PCDHGB2: variants seen among roughly 807,000 people sequenced by gnomAD.
PCDHGB2 encodes the protein protocadherin gamma-B2.
A neutral mutation model predicts 59.3 loss-of-function variants in PCDHGB2; 55 were observed. The ratio of observed to expected loss-of-function variants is 0.93; its 90% CI spans 0.75 to 1.16. The LOEUF (loss-of-function observed/expected upper bound fraction) is 1.16, where lower values mean the gene tolerates loss of function less well. Among genes scored for constraint, PCDHGB2 ranks in the 50% most tolerant of loss-of-function variants. PCDHGB2 has a pLI of 0.00. For missense variants in PCDHGB2, 1,228 were observed against 1,198.5 expected, an observed-to-expected ratio of 1.02 and a Z score of -0.36; for synonymous variants, 516 against 512.0, an observed-to-expected ratio of 1.01 and a Z score of -0.11.
intron 1 of PCDHGB2, chr5:141,392,761 A>G (rs1341541753): frequency 1.6e-5 from 24 of 1,476,812 alleles, no homozygotes; most frequent in Non-Finnish European, 2.1e-5. Flanking sequence ...AAACTAAATA[A>G]GACCCATTTA....
rs1305419943 is a variant in PCDHGB2, at chr5:141,438,625, T to C, written c.2422-56182T>C. Among the ~76,000 whole-genome samples the C allele has an allele frequency of 9.7e-4, 45 of 46,410 alleles. 2 individuals are homozygous for C. Among genetic ancestry groups the C allele is most frequent in the Admixed American group, 2.2e-3 (7 of 3,192 alleles). The allele number at this position is 46,410 out of a possible 152,430, so 30.4% of individuals were successfully genotyped here. On this transcript the variant is annotated intron_variant, in intron 1 of 3. Coordinates refer to ENST00000522605, the MANE Select transcript of PCDHGB2 (RefSeq NM_018923.3). The stretch of plus-strand genomic sequence containing the variant: ...ATATATATATATATATATATATATA[T>C]ATATATATATACACACACACACACA...
chr5:141,372,926 G>C, intron 1 of PCDHGB2: 3 of 943,814 alleles, frequency 3.2e-6, no homozygotes, highest in Non-Finnish European at 4.6e-6. Context: ...TTGATTTTCT[G>C]GTGTAGAGTA....
chr5:141,483,833 G>A (rs964111814), intron 1 of PCDHGB2, among the ~76,000 whole-genome samples: 1 of 152,116 alleles, frequency 6.6e-6, no homozygotes, highest in Admixed American at 6.5e-5. Flanking sequence ...CCTAGGTAAG[G>A]ACTTGGTTGA....
chr5:141,392,970 G>A (rs2092639280), intron 1 of PCDHGB2: 1 of 1,613,778 alleles, frequency 6.2e-7, no homozygotes, highest in Non-Finnish European at 8.5e-7. Flanking sequence ...CAAGGACCTG[G>A]GGCTGGACCC....
At chr5:141,374,630 C>T (rs1273504244) in intron 1 of PCDHGB2, 1 of 1,613,140 alleles carries the variant, frequency 6.2e-7, no homozygotes, top group South Asian at 1.1e-5. Flanking sequence ...AGTGGACGTG[C>T]AAAGCGAAGC....
chr5:141,444,329 G>T (rs536314842), intron 1 of PCDHGB2, among the ~76,000 whole-genome samples: 1 of 151,792 alleles, frequency 6.6e-6, no homozygotes, highest in Admixed American at 6.6e-5. Context: ...GTGCCACCAC[G>T]CCCAGCTAAT....
intron 1 of PCDHGB2, chr5:141,371,926 G>A (rs766218641): frequency 2.5e-6 from 4 of 1,613,370 alleles, no homozygotes; most frequent in East Asian, 4.5e-5. Context: ...AGCGCGCGGA[G>A]CGGGGTGGTG....
intron 1 of PCDHGB2, among the ~76,000 whole-genome samples, chr5:141,488,417 C>T (rs2099675171): frequency 6.6e-6 from 1 of 152,224 alleles, no homozygotes; most frequent in Non-Finnish European, 1.5e-5. Context: ...GCCAAGCCAT[C>T]CATGCTTGGC....
intron 1 of PCDHGB2, among the ~76,000 whole-genome samples, chr5:141,460,307 C>A (rs1025049001): frequency 6.6e-6 from 1 of 152,102 alleles, no homozygotes; most frequent in African/African-American, 2.4e-5. Context: ...TATTCAAAAA[C>A]TCCTTGCCTA....
intron 1 of PCDHGB2, chr5:141,384,489 A>G: frequency 6.2e-7 from 1 of 1,614,168 alleles, no homozygotes. Flanking sequence ...AACTACAACT[A>G]AGAGTGACTG....
chr5:141,431,932 C>T lies in PCDHGB2; in HGVS notation c.2422-62875C>T. 2 of 1,614,172 alleles carry T rather than the reference C, an allele frequency of 1.2e-6. No individual in the cohort carries two copies. The highest frequency in any genetic ancestry group is 1.7e-6 in the Non-Finnish European group (2 of 1,180,002). On this transcript the variant is annotated intron_variant, in intron 1 of 3. Coordinates refer to ENST00000522605, the MANE Select transcript of PCDHGB2 (RefSeq NM_018923.3). This position sits in a 1 kb window ranked among gnomAD's most constrained non-coding sequence, Gnocchi z 4.8. The stretch of plus-strand genomic sequence containing the variant: ...TCTGTTTCATCCAAGGAAATCTGCC[C>T]TTTAAATTAGAAAAATCTTACGGAA...
At chr5:141,383,254 A>G (rs1482301595) in intron 1 of PCDHGB2, 1 of 1,613,948 alleles carries the variant, frequency 6.2e-7, no homozygotes, top group African/African-American at 1.3e-5. Context: ...TCTTTACCCT[A>G]TAGACGTGGA....
At chr5:141,413,034 G>C in intron 1 of PCDHGB2, 1 of 783,270 alleles carries the variant, frequency 1.3e-6, no homozygotes, top group East Asian at 2.8e-5. Context: ...CAAACCGGCT[G>C]CTGGGCTGCA....
chr5:141,436,207 A>T (rs544201723), intron 1 of PCDHGB2, among the ~76,000 whole-genome samples: 1 of 152,142 alleles, frequency 6.6e-6, no homozygotes, highest in Admixed American at 6.5e-5. Context: ...ACATAATAGG[A>T]AAACAAATGA....
At chr5:141,492,163 C>G (rs921256341) in intron 1 of PCDHGB2, among the ~76,000 whole-genome samples, 3 of 152,232 alleles carry the variant, frequency 2.0e-5, no homozygotes, top group Admixed American at 6.5e-5. Flanking sequence ...CCTCCCTATC[C>G]CCGCATCACC....
chr5:141,414,412 G>A, intron 1 of PCDHGB2: 1 of 1,613,832 alleles, frequency 6.2e-7, no homozygotes, highest in South Asian at 1.1e-5. Flanking sequence ...GATACACAGA[G>A]CCCTTGACAG....
rs375882135 is a variant in PCDHGB2 at position 141,389,276 on chromosome 5, G to C, written c.2421+26720G>C. The C allele has an allele frequency of 7.9e-5, 128 of 1,613,976 alleles. No individual in the cohort carries two copies. In the Middle Eastern group the frequency reaches 1.8e-3, roughly 23 times the overall value. On this transcript the variant is annotated intron_variant, in intron 1 of 3. Coordinates refer to ENST00000522605, the MANE Select transcript of PCDHGB2 (RefSeq NM_018923.3). ...TAGTCCACGTGGCCGAGAACAACCC[G>C]CCTGGAGCCTCTATTTCACAAGTCA...
intron 1 of PCDHGB2, chr5:141,370,507 C>G: frequency 1.2e-6 from 2 of 1,613,920 alleles, no homozygotes; most frequent in Non-Finnish European, 1.7e-6. Context: ...TACGCTATTC[C>G]CGAGGAGCTG....
chr5:141,483,166 A>G (rs1288499520), intron 1 of PCDHGB2, among the ~76,000 whole-genome samples: 1 of 152,138 alleles, frequency 6.6e-6, no homozygotes, highest in Non-Finnish European at 1.5e-5. Flanking sequence ...ATCCTGAGTT[A>G]CCTTTGGGCC....
Sources: allele counts gnomAD v4.1 joint callset (sites outside exome capture counted in the v4.1 genomes callset), GRCh38; gene constraint gnomAD v4.1.1; non-coding constraint Gnocchi (gnomAD v3.1); transcripts MANE v1.5; gene names NCBI Gene and HGNC (gene_info 2026-07-23, HGNC 2026-07-21).